Variants in FOXN3 observed in about 807,000 individuals in gnomAD.
FOXN3 encodes forkhead box protein N3.
Under a neutral mutation model 38.4 loss-of-function variants are expected in FOXN3, and 7 were observed. The observed-to-expected ratio is 0.18, with a 90% CI of 0.10 to 0.34. The LOEUF is 0.34. Ranked by LOEUF, FOXN3 falls within the 10% of genes least tolerant of loss-of-function variation. The pLI, the probability that FOXN3 is intolerant of heterozygous loss-of-function variation, is 1.00. For missense variants in FOXN3, 456 were observed against 613.4 expected, an observed-to-expected ratio of 0.74 and a Z score of 2.71; for synonymous variants, 230 against 242.2, an observed-to-expected ratio of 0.95 and a Z score of 0.47.
intron 1 of FOXN3, among the ~76,000 whole-genome samples, chr14:89,533,479 G>C (rs1894616289): frequency 6.6e-6 from 1 of 151,984 alleles, no homozygotes; most frequent in Admixed American, 6.6e-5. Context: ...CTGGCTAACA[G>C]GGTGAAACCT....
intron 2 of FOXN3, among the ~76,000 whole-genome samples, chr14:89,392,917 C>T (rs28848812): frequency 0.15 from 22,779 of 151,282 alleles, 2,165 homozygotes; most frequent in East Asian, 0.34. Flanking sequence ...AGAGATTCTT[C>T]TGCCTCAGCC....
At chr14:89,370,256 T>C (rs1332662433) in intron 2 of FOXN3, among the ~76,000 whole-genome samples, 2 of 152,120 alleles carry the variant, frequency 1.3e-5, no homozygotes, top group Non-Finnish European at 1.5e-5. Flanking sequence ...CCTAAATAAC[T>C]CAGTGAAGGA....
At chr14:89,224,590 G>A (rs564960514) in intron 4 of FOXN3, among the ~76,000 whole-genome samples, 4 of 152,244 alleles carry the variant, frequency 2.6e-5, no homozygotes, top group Non-Finnish European at 5.9e-5. Context: ...TACTATACCA[G>A]GCACAACTGG....
intron 4 of FOXN3, among the ~76,000 whole-genome samples, chr14:89,201,409 T>C (rs150677599): frequency 1.9e-3 from 288 of 152,330 alleles, no homozygotes; most frequent in African/African-American, 6.3e-3. Flanking sequence ...TCCTGGTTTC[T>C]TCATCCAGTG....
chr14:89,263,422 T>A (rs1243928249), intron 4 of FOXN3, among the ~76,000 whole-genome samples: 11 of 151,552 alleles, frequency 7.3e-5, no homozygotes, highest in Non-Finnish European at 1.5e-5. Flanking sequence ...CCAGCTGGAA[T>A]GTTCAAAATG....
intron 1 of FOXN3, among the ~76,000 whole-genome samples, chr14:89,540,599 C>T (rs994481161): frequency 6.6e-6 from 1 of 151,972 alleles, no homozygotes; most frequent in East Asian, 1.9e-4. Flanking sequence ...TTTAGCCGAG[C>T]GTGGTCGCAC....
At chr14:89,505,880 C>T (rs1342503680) in intron 1 of FOXN3, among the ~76,000 whole-genome samples, 1 of 148,908 alleles carries the variant, frequency 6.7e-6, no homozygotes, top group Non-Finnish European at 1.5e-5. Context: ...AGCGCCTCTG[C>T]CCTGCCGCCC....
intron 1 of FOXN3, among the ~76,000 whole-genome samples, chr14:89,546,768 T>C (rs1894894349): frequency 6.6e-6 from 1 of 152,056 alleles, no homozygotes. Context: ...CGCATACACA[T>C]ACACACATAT....
intron 4 of FOXN3, among the ~76,000 whole-genome samples, chr14:89,274,274 A>G (rs1160476460): frequency 1.3e-5 from 2 of 152,224 alleles, no homozygotes; most frequent in Non-Finnish European, 2.9e-5. Context: ...AGTGACACTG[A>G]AAATGGAAAT....
intron 1 of FOXN3, among the ~76,000 whole-genome samples, chr14:89,526,029 T>C (rs1894426147): frequency 6.6e-6 from 1 of 151,350 alleles, no homozygotes; most frequent in African/African-American, 2.4e-5. Flanking sequence ...AGTCAAATGA[T>C]CATCTCAATA....
At chr14:89,550,059 G>A (rs1261768639) in intron 1 of FOXN3, among the ~76,000 whole-genome samples, 2 of 152,186 alleles carry the variant, frequency 1.3e-5, no homozygotes, top group Admixed American at 6.5e-5. Context: ...GAATTCAGAT[G>A]AAGAACAGGA....
At chr14:89,505,985 G>A in intron 1 of FOXN3, among the ~76,000 whole-genome samples, 1 of 148,540 alleles carries the variant, frequency 6.7e-6, no homozygotes, top group Non-Finnish European at 1.5e-5. Flanking sequence ...GAAGTGAGGA[G>A]CGTCTCCGCC....
intron 1 of FOXN3, among the ~76,000 whole-genome samples, chr14:89,504,198 C>G (rs1023156820): frequency 6.6e-6 from 1 of 152,224 alleles, no homozygotes; most frequent in Non-Finnish European, 1.5e-5. Flanking sequence ...CTAATCCACT[C>G]ACGTGCATTC....
intron 3 of FOXN3, among the ~76,000 whole-genome samples, chr14:89,347,058 A>C (rs1425721317): frequency 7.8e-6 from 1 of 128,818 alleles, no homozygotes; most frequent in Non-Finnish European, 1.6e-5. Flanking sequence ...CTGCTTCTCC[A>C]TATATTCATC....
At chr14:89,223,017 C>G (rs556707037) in intron 4 of FOXN3, 1 of 152,186 alleles carries the variant, frequency 6.6e-6, no homozygotes, top group Admixed American at 6.5e-5. Context: ...AATCCTCCCA[C>G]CTTGGCCTCC....
At chr14:89,609,609 G>A (rs1014507806) in intron 1 of FOXN3, among the ~76,000 whole-genome samples, 15 of 152,150 alleles carry the variant, frequency 9.9e-5, no homozygotes, top group South Asian at 2.1e-4. Flanking sequence ...TAGTACTTAT[G>A]GAAATATCAC....
rs3057950 is a variant in FOXN3, at chr14:89,447,814, C to CTTTTTTT, written c.-14-35331_-14-35325dup. Among the ~76,000 whole-genome samples, 129 of 92,786 alleles carry CTTTTTTT rather than the reference C, an allele frequency of 1.4e-3. 6 individuals are homozygous for CTTTTTTT. The highest frequency in any genetic ancestry group is 2.6e-3 in the African/African-American group (63 of 23,972). 60.9% of individuals were successfully genotyped at this position (92,786 alleles called of 152,430 possible). On this transcript the variant is annotated intron_variant, in intron 1 of 6. Transcript: ENST00000345097. ...CAGTGGTTTCCTGATGCCTTTCTTC[C>CTTTTTTT]TTTTTTTTTTTTTTTTTTTTTTGAG...
At chr14:89,261,788 C>T (rs1048991752) in intron 4 of FOXN3, among the ~76,000 whole-genome samples, 1 of 152,050 alleles carries the variant, frequency 6.6e-6, no homozygotes, top group East Asian at 1.9e-4. Flanking sequence ...ATTAGCTGGG[C>T]GTGGTGACAG....
Position 89,517,949 on chromosome 14 carries a change from T to C in FOXN3, c.-15+101079A>G, listed in dbSNP as rs1188657199. Among the ~76,000 whole-genome samples, 22 of 152,224 alleles carry C rather than the reference T, an allele frequency of 1.4e-4. 1 individual carries two copies. Among genetic ancestry groups the C allele is most frequent in the Admixed American group, 1.4e-3 (22 of 15,282 alleles). On this transcript the variant is annotated intron_variant, in intron 1 of 6. Coordinates refer to the FOXN3 transcript ENST00000345097. ...AACTCTGCTGGTACCAAACTCAAAT[T>C]TGTACACATCCAATTATTTTAAAAG... is the stretch of plus-strand genomic sequence containing the variant.
Sources: gnomAD v4.1 joint callset for allele counts (sites outside exome capture counted in the v4.1 genomes callset) on GRCh38, gnomAD v4.1.1 for gene constraint, MANE v1.5 for transcripts, NCBI Gene and HGNC (gene_info 2026-07-23, HGNC 2026-07-21) for gene names.